Variants in ERC2 observed in about 807,000 individuals in gnomAD.
ERC2 encodes ERC protein 2.
Under a neutral mutation model 114.8 loss-of-function variants are expected in ERC2, and 42 were observed. The observed-to-expected ratio is 0.37, with a 90% CI of 0.29 to 0.47. The LOEUF is 0.47. ERC2 is among the 20% of genes least tolerant of loss of function. ERC2 has a pLI of 0.99. For synonymous variants in ERC2, 454 were observed against 425.5 expected, an observed-to-expected ratio of 1.07 and a Z score of -0.82; for missense variants, 939 against 1,150.7, an observed-to-expected ratio of 0.82 and a Z score of 2.66.
At chr3:56,402,965 G>A (rs976525688) in intron 2 of ERC2, among the ~76,000 whole-genome samples, 6 of 152,084 alleles carry the variant, frequency 3.9e-5, no homozygotes, top group South Asian at 2.1e-4. Context: ...CCCTGGCCTC[G>A]ACCCGTTAAA....
chr3:56,339,543 G>A (rs1378503108), intron 2 of ERC2, among the ~76,000 whole-genome samples: 2 of 152,132 alleles, frequency 1.3e-5, no homozygotes, highest in Admixed American at 1.3e-4. Flanking sequence ...TAGGCAAAGG[G>A]AGCCTTTGAA....
chr3:55,844,249 CAGTT>C (rs1046238493), intron 14 of ERC2, among the ~76,000 whole-genome samples: 4 of 152,096 alleles, frequency 2.6e-5, no homozygotes, highest in African/African-American at 9.7e-5. Context: ...CATCAAAACA[CAGTT>C]AGTAGAATGT....
chr3:55,836,512 T>C (rs546472295), intron 14 of ERC2, among the ~76,000 whole-genome samples: 66 of 152,086 alleles, frequency 4.3e-4, no homozygotes, highest in African/African-American at 1.2e-3. Flanking sequence ...GAAAGGATTC[T>C]CTATTTAATA....
intron 3 of ERC2, among the ~76,000 whole-genome samples, chr3:56,277,748 CAA>C (rs58903780): frequency 0.25 from 37,040 of 146,358 alleles, 4,826 homozygotes; most frequent in Admixed American, 0.3. Context: ...GCCAAATTAC[CAA>C]AAAAAAAAAA....
In ERC2 at chr3:55,841,133, T is replaced by C. The variant is rs1288611392; in HGVS notation, c.2564+47256A>G. On this transcript the variant is annotated intron_variant, in intron 14 of 17. Coordinates refer to ENST00000288221, the MANE Select transcript of ERC2 (RefSeq NM_015576.3). ...TGTATGTCAATCATACCTAAATAAA[T>C]TTGTTAAAACTTCAAATAATAAACT... 2.0e-5 allele frequency among the ~76,000 whole-genome samples: 3 copies of C among 152,200 alleles called. 1 individual carries two copies. The highest frequency in any genetic ancestry group is 4.8e-5 in the African/African-American group (2 of 41,446).
intron 2 of ERC2, among the ~76,000 whole-genome samples, chr3:56,428,050 A>T (rs1650841339): frequency 6.6e-6 from 1 of 152,058 alleles, no homozygotes; most frequent in South Asian, 2.1e-4. Context: ...TTAGACTTAT[A>T]GTGGTAGAAA....
At chr3:55,775,141 C>A (rs2068499462) in intron 14 of ERC2, among the ~76,000 whole-genome samples, 1 of 152,140 alleles carries the variant, frequency 6.6e-6, no homozygotes, top group African/African-American at 2.4e-5. Flanking sequence ...TTCCAACTAC[C>A]CAACTTCAGG....
At chr3:56,159,090 C>T (rs1006672917) in intron 4 of ERC2, among the ~76,000 whole-genome samples, 24 of 152,116 alleles carry the variant, frequency 1.6e-4, no homozygotes, top group African/African-American at 5.8e-4. Flanking sequence ...TGTGGCACCC[C>T]CCCACCCCAC....
chr3:55,736,270 C>A (rs528843200), intron 14 of ERC2, among the ~76,000 whole-genome samples: 23 of 152,308 alleles, frequency 1.5e-4, no homozygotes, highest in Non-Finnish European at 2.8e-4. Flanking sequence ...GCCATGACAA[C>A]CTCTCTGAGG....
chr3:55,947,872 A>G (rs2067230955), intron 13 of ERC2, among the ~76,000 whole-genome samples: 1 of 152,218 alleles, frequency 6.6e-6, no homozygotes, highest in Non-Finnish European at 1.5e-5. Flanking sequence ...AAAGAACCAG[A>G]CATCATTATT....
chr3:56,397,548 TG>T (rs1553945229), intron 2 of ERC2, among the ~76,000 whole-genome samples: 4 of 152,170 alleles, frequency 2.6e-5, no homozygotes, highest in Non-Finnish European at 5.9e-5. Flanking sequence ...TGTTTCATAT[TG>T]GTACATACAA....
At chr3:55,893,362 T>C (rs1201601086) in intron 13 of ERC2, among the ~76,000 whole-genome samples, 3 of 152,166 alleles carry the variant, frequency 2.0e-5, no homozygotes, top group Non-Finnish European at 2.9e-5. Flanking sequence ...ATACAGGGGA[T>C]GCATTGAGGT....
At position 56,018,966 on chromosome 3, in the gene ERC2, C is replaced by T; in HGVS notation, c.1707G>A (p.Val569=). ...DKQLTNLKDR[V]KSLQTDSSNT... Reference sequence around the variant, plus strand: ...TACTGGAATCCGTCTGCAAGGACTTCACTCTGTCTTTCAGGTTGGTCAGTT... The same window carrying T: ...TACTGGAATCCGTCTGCAAGGACTTTACTCTGTCTTTCAGGTTGGTCAGTT... The change falls in exon 8 of 18, where the codon GTG becomes GTA. Residue 569 remains valine (V), a synonymous_variant. Transcript: ENST00000288221. 1 of 1,613,232 alleles carries T rather than the reference C, an allele frequency of 6.2e-7. No homozygotes were observed. Among genetic ancestry groups the T allele is most frequent in the Non-Finnish European group, 8.5e-7 (1 of 1,179,486 alleles).
At chr3:55,997,691 T>C (rs2071630970) in intron 10 of ERC2, among the ~76,000 whole-genome samples, 1 of 149,106 alleles carries the variant, frequency 6.7e-6, no homozygotes, top group African/African-American at 2.5e-5. Flanking sequence ...ACTCCAGGAG[T>C]AGAATGATAG....
chr3:56,177,454 C>T (rs545340991), intron 3 of ERC2, among the ~76,000 whole-genome samples: 1 of 152,218 alleles, frequency 6.6e-6, no homozygotes, highest in Non-Finnish European at 1.5e-5. Context: ...TGATAGTTTT[C>T]ACATGACAGT....
intron 3 of ERC2, among the ~76,000 whole-genome samples, chr3:56,231,555 A>G (rs1285106692): frequency 6.6e-6 from 1 of 152,222 alleles, no homozygotes; most frequent in Admixed American, 6.5e-5. Flanking sequence ...TTACAATTAG[A>G]ACTCCATGAC....
intron 6 of ERC2, among the ~76,000 whole-genome samples, chr3:56,083,198 TA>T (rs2077329066): frequency 6.6e-6 from 1 of 152,232 alleles, no homozygotes; most frequent in African/African-American, 2.4e-5. Context: ...GTGGTGTTTT[TA>T]TATGGAATAT....
intron 4 of ERC2, among the ~76,000 whole-genome samples, chr3:56,156,586 C>G (rs1232946596): frequency 6.6e-6 from 1 of 152,126 alleles, no homozygotes; most frequent in African/African-American, 2.4e-5. Flanking sequence ...TTTGGGGTAG[C>G]TGTAGAAGTG....
chr3:56,111,403 C>CT (rs1560191067), intron 6 of ERC2, among the ~76,000 whole-genome samples: 1 of 151,754 alleles, frequency 6.6e-6, no homozygotes, highest in Non-Finnish European at 1.5e-5. Context: ...CCCTCTCTCT[C>CT]TCTCAGTTCT....
Sources: allele counts gnomAD v4.1 joint callset (sites outside exome capture counted in the v4.1 genomes callset), GRCh38; gene constraint gnomAD v4.1.1; transcripts MANE v1.5; gene names NCBI Gene and HGNC (gene_info 2026-07-23, HGNC 2026-07-21).